Variants in SV2C observed in about 807,000 individuals in gnomAD.
SV2C encodes synaptic vesicle glycoprotein 2C.
Under a neutral mutation model 79.7 loss-of-function variants are expected in SV2C, and 49 were observed. That is an observed-to-expected ratio of 0.61 (90% CI 0.49 to 0.78). The LOEUF (loss-of-function observed/expected upper bound fraction) is 0.78. SV2C is among the 30% of genes least tolerant of loss of function. SV2C has a pLI of 0.00. For synonymous variants in SV2C, 334 were observed against 333.2 expected (o/e 1.00, Z -0.03); for missense variants, 833 against 912.9 (o/e 0.91, Z 1.13).
In SV2C at chr5:76,325,508, G is replaced by C; in HGVS notation, c.2145G>C (p.Gly715=). ...TGCTCGTGTGTGGAGGACTCGTTGG[G>C]CTGTGCCTGCCTGACACACGAACCC... ...STVLVCGGLV[G]LCLPDTRTQV... Residue 715 remains glycine (G), a synonymous_variant, in exon 13 of 13, where the codon GGG becomes GGC. Transcript: ENST00000502798. 1 of 1,614,112 alleles carries C rather than the reference G, an allele frequency of 6.2e-7. No homozygotes were observed.
chr5:76,194,033 A>G (rs1033039603), intron 2 of SV2C, among the ~76,000 whole-genome samples: 2 of 152,192 alleles, frequency 1.3e-5, no homozygotes, highest in African/African-American at 4.8e-5. Flanking sequence ...TGTGTTACTC[A>G]TGCTTTCTGT....
chr5:75,863,949 C>T, the SV2C span, among the ~76,000 whole-genome samples: 3 of 152,124 alleles, frequency 2.0e-5, no homozygotes, highest in Admixed American at 6.5e-5. Flanking sequence ...GAGGCATATT[C>T]GACTTTCTGC....
At chr5:76,244,722 A>G (rs1159637320) in intron 4 of SV2C, among the ~76,000 whole-genome samples, 1 of 152,148 alleles carries the variant, frequency 6.6e-6, no homozygotes, top group African/African-American at 2.4e-5. Flanking sequence ...AGTTGATCCA[A>G]ACATACTTAA....
At chr5:76,306,140 T>C (rs1269154118) in intron 12 of SV2C, among the ~76,000 whole-genome samples, 1 of 152,196 alleles carries the variant, frequency 6.6e-6, no homozygotes, top group Non-Finnish European at 1.5e-5. Flanking sequence ...CTCAAACTCC[T>C]GCGCTCAAGT....
At chr5:76,139,287 A>G (rs1317184309) in intron 2 of SV2C, among the ~76,000 whole-genome samples, 3 of 152,072 alleles carry the variant, frequency 2.0e-5, no homozygotes, top group African/African-American at 2.4e-5. Flanking sequence ...ATGTATCTCT[A>G]TTGTAGGGAA....
intron 10 of SV2C, among the ~76,000 whole-genome samples, chr5:76,300,188 T>G (rs1300171659): frequency 6.7e-6 from 1 of 148,774 alleles, no homozygotes; most frequent in East Asian, 2.0e-4. Flanking sequence ...ATTATTATTA[T>G]TATTTTTGTA....
chr5:76,213,256 G>A, intron 4 of SV2C, among the ~76,000 whole-genome samples: 1 of 152,252 alleles, frequency 6.6e-6, no homozygotes, highest in South Asian at 2.1e-4. Context: ...ACTTTGCTGA[G>A]GTCATTGTTG....
At chr5:75,893,939 T>C in the SV2C span, among the ~76,000 whole-genome samples, 7 of 152,034 alleles carry the variant, frequency 4.6e-5, no homozygotes, top group Non-Finnish European at 7.4e-5. Context: ...TCCAGTTGAC[T>C]GGAAAATAAG....
chr5:75,854,426 A>G, the SV2C span, among the ~76,000 whole-genome samples: 2 of 152,192 alleles, frequency 1.3e-5, no homozygotes, highest in African/African-American at 2.4e-5. Context: ...ATGTTTTTGT[A>G]TAAAAACTAT....
chr5:76,311,663 A>C (rs1318626669), intron 12 of SV2C, among the ~76,000 whole-genome samples: 1 of 152,194 alleles, frequency 6.6e-6, no homozygotes, highest in East Asian at 1.9e-4. Context: ...CAAACAATTG[A>C]TGTGGCATGA....
the SV2C span, among the ~76,000 whole-genome samples, chr5:76,056,208 T>C: frequency 6.6e-6 from 1 of 152,172 alleles, no homozygotes; most frequent in African/African-American, 2.4e-5. Flanking sequence ...TGAAGGGCTG[T>C]TGAATTTTAT....
At chr5:76,238,190 C>T (rs1024346788) in intron 4 of SV2C, among the ~76,000 whole-genome samples, 1 of 152,068 alleles carries the variant, frequency 6.6e-6, no homozygotes, top group Non-Finnish European at 1.5e-5. Flanking sequence ...TATTATCCAT[C>T]CCTTTGTCTT....
intron 1 of SV2C, among the ~76,000 whole-genome samples, chr5:76,114,531 G>A (rs1482715704): frequency 2.0e-5 from 3 of 152,196 alleles, no homozygotes; most frequent in Non-Finnish European, 4.4e-5. Context: ...CAGTGTAATA[G>A]GAATGAGGCC....
intron 4 of SV2C, among the ~76,000 whole-genome samples, chr5:76,268,369 G>T (rs903899937): frequency 6.6e-6 from 1 of 152,140 alleles, no homozygotes; most frequent in Non-Finnish European, 1.5e-5. Context: ...AGAACTGAGC[G>T]TGGAGTCCAG....
At position 76,204,389 on chromosome 5, in the gene SV2C, G is replaced by A. The variant is rs188035158; in HGVS notation, c.762-5347G>A. Among the ~76,000 whole-genome samples the A allele has an allele frequency of 1.6e-3, 242 of 152,250 alleles. 1 individual carries two copies. The highest frequency in any genetic ancestry group is 5.2e-3 in the African/African-American group (214 of 41,542). ...TGTCTTATAAAAGCTGCCAGAGTCA[G>A]CTCTTGGTAGACTCTGCCCTCTGTT... On this transcript the variant is annotated intron_variant, in intron 3 of 12. Transcript: ENST00000502798.
chr5:76,071,047 C>A, the SV2C span, among the ~76,000 whole-genome samples: 3 of 152,192 alleles, frequency 2.0e-5, no homozygotes, highest in Non-Finnish European at 4.4e-5. Flanking sequence ...TGTGACTCCA[C>A]CTCCCGTGGG....
chr5:75,990,605 G>A, the SV2C span, among the ~76,000 whole-genome samples: 2 of 151,906 alleles, frequency 1.3e-5, no homozygotes, highest in Admixed American at 6.6e-5. Context: ...GGAAGGACTA[G>A]GAGTAGAAAA....
At chr5:76,296,354 G>A (rs1747762972) in intron 9 of SV2C, among the ~76,000 whole-genome samples, 1 of 152,130 alleles carries the variant, frequency 6.6e-6, no homozygotes, top group South Asian at 2.1e-4. Context: ...GAGAAACAGA[G>A]CCACTTTTCA....
chr5:76,188,978 G>A (rs192417546), intron 2 of SV2C, among the ~76,000 whole-genome samples: 11 of 151,870 alleles, frequency 7.2e-5, no homozygotes, highest in Admixed American at 7.2e-4. Flanking sequence ...GGGTCCATAA[G>A]AGGCCAAAAA....
Sources: allele counts gnomAD v4.1 joint callset (sites outside exome capture counted in the v4.1 genomes callset), GRCh38; gene constraint gnomAD v4.1.1; transcripts MANE v1.5; gene names NCBI Gene and HGNC (gene_info 2026-07-23, HGNC 2026-07-21).